Variants in MDGA1 observed in about 807,000 individuals in gnomAD.
MDGA1 encodes the protein MAM domain-containing glycosylphosphatidylinositol anchor protein 1.
Under a neutral mutation model 101.5 loss-of-function variants are expected in MDGA1, and 54 were observed. The ratio of observed to expected loss-of-function variants is 0.53; its 90% CI spans 0.43 to 0.67. MDGA1 has a LOEUF of 0.67. MDGA1 is among the 30% of genes least tolerant of loss of function. MDGA1 has a pLI of 0.00. For synonymous variants in MDGA1, 533 were observed against 558.3 expected, an observed-to-expected ratio of 0.95 and a Z score of 0.64; for missense variants, 1,083 against 1,323.8, an observed-to-expected ratio of 0.82 and a Z score of 2.82.
At chr6:37,637,547 T>C (rs1763957455) in intron 16 of MDGA1, 88 bp from the exon 17 acceptor site, 1 of 1,103,712 alleles carries the variant, frequency 9.1e-7, no homozygotes, top group South Asian at 1.4e-5. Flanking sequence ...GCACTGTTAC[T>C]CTGCCCACCT....
At chr6:37,678,572 C>A (rs1762028803) in intron 1 of MDGA1, among the ~76,000 whole-genome samples, 1 of 152,108 alleles carries the variant, frequency 6.6e-6, no homozygotes, top group African/African-American at 2.4e-5. Flanking sequence ...CGGCTCCCAG[C>A]CCCACTTCCC....
At chr6:37,684,724 C>T (rs1193301603) in intron 1 of MDGA1, among the ~76,000 whole-genome samples, 2 of 152,190 alleles carry the variant, frequency 1.3e-5, no homozygotes, top group African/African-American at 4.8e-5. Context: ...GCCATACCCT[C>T]GTGCCCCTCC....
At chr6:37,675,047 AC>A (rs1329080975) in intron 1 of MDGA1, among the ~76,000 whole-genome samples, 2 of 152,152 alleles carry the variant, frequency 1.3e-5, no homozygotes, top group African/African-American at 4.8e-5. Context: ...ACAGAGAGAG[AC>A]TACATCTCAA....
Position 37,679,951 on chromosome 6 carries a change from C to A in MDGA1, c.68-15845G>T, listed in dbSNP as rs558150506. On this transcript the variant is annotated intron_variant, in intron 1 of 16. Coordinates refer to ENST00000434837, the MANE Select transcript of MDGA1 (RefSeq NM_153487.4). ...TCCTTCAGGCCACACTGCCTCCCTA[C>A]GCTCCCACCTGAGCGAGAGATGGTT... Among the ~76,000 whole-genome samples the A allele has an allele frequency of 8.5e-5, 13 of 152,300 alleles. No homozygotes were observed. The South Asian group carries it at 2.7e-3, about 32-fold the overall frequency.
chr6:37,674,143 C>G (rs902962969), intron 1 of MDGA1, among the ~76,000 whole-genome samples: 1 of 152,214 alleles, frequency 6.6e-6, no homozygotes, highest in Non-Finnish European at 1.5e-5. Context: ...AAAGCCTGTT[C>G]CCCGACACAG....
intron 2 of MDGA1, 76 bp from the exon 3 acceptor site, chr6:37,658,495 A>G: frequency 7.1e-7 from 1 of 1,405,166 alleles, no homozygotes; most frequent in Non-Finnish European, 9.6e-7. Context: ...GTGCCCTGCA[A>G]CGGCACCCCC....
chr6:37,695,599 C>A (rs532894353), intron 1 of MDGA1, among the ~76,000 whole-genome samples: 1 of 152,190 alleles, frequency 6.6e-6, no homozygotes, highest in African/African-American at 2.4e-5. Flanking sequence ...TGGGTCAGCA[C>A]CCTCCAGGGT....
At position 37,632,299 on chromosome 6, in the gene MDGA1, T is replaced by C. The variant is rs1763835060; in HGVS notation, c.*5069A>G. 6.6e-6 allele frequency: 1 copy of C among 152,062 alleles called. No homozygotes were observed. The highest frequency in any genetic ancestry group is 2.4e-5 in the African/African-American group (1 of 41,288). 9.4% of individuals were successfully genotyped at this position (152,062 alleles called of 1,614,324 possible). ...TAAACAGGGGCTTCCACAAAGGCAG[T>C]GTTTGGTTGGTATTTGCTGAATGAA... is the stretch of plus-strand genomic sequence containing the variant. On this transcript the variant is annotated 3_prime_UTR_variant, in exon 17 of 17. Transcript: ENST00000434837.
chr6:37,688,971 C>T (rs1762254194), intron 1 of MDGA1, among the ~76,000 whole-genome samples: 1 of 152,252 alleles, frequency 6.6e-6, no homozygotes, highest in South Asian at 2.1e-4. Flanking sequence ...CGCAGAATCT[C>T]AGCCCAGCCC....
At position 37,646,380 on chromosome 6, in the gene MDGA1, T is replaced by TAG; in HGVS notation, c.2047-6_2047-5insCT. 6.7e-7 allele frequency: 1 copy of TAG among 1,494,026 alleles called. No individual in the cohort carries two copies. The highest frequency in any genetic ancestry group is 9.0e-7 in the Non-Finnish European group (1 of 1,115,492). The allele number at this position is 1,494,026 out of a possible 1,614,324, so 92.5% of individuals were successfully genotyped here. A position where few individuals can be genotyped will look rare whatever the true frequency, so the allele number is the denominator to read the frequency against. ...CACCGCATTGTGCTGGTTCAACTGT[T>TAG]AAGTACAGAGAGTTCCCAGATGCCT... On this transcript the variant is annotated splice_polypyrimidine_tract_variant and splice_region_variant and intron_variant, in intron 10 of 16. Coordinates refer to ENST00000434837, the MANE Select transcript of MDGA1 (RefSeq NM_153487.4).
Position 37,634,312 on chromosome 6 carries a change from C to T in MDGA1, c.*3056G>A, listed in dbSNP as rs1341426492. The stretch of plus-strand genomic sequence containing the variant: ...ACCCTGACCCAGAGGGCGAGGCTGC[C>T]ACTGGGGAGATGTGCTGGATCCAGC... On this transcript the variant is annotated 3_prime_UTR_variant, in exon 17 of 17. Transcript: ENST00000434837. The surrounding 1 kb of genome is among the most constrained non-coding windows in gnomAD (Gnocchi z 4.7). 1 of 152,832 alleles carries T rather than the reference C, an allele frequency of 6.5e-6. No individual in the cohort carries two copies. The highest frequency in any genetic ancestry group is 1.5e-5 in the Non-Finnish European group (1 of 68,150). 9.5% of individuals were successfully genotyped at this position (152,832 alleles called of 1,614,324 possible). A position where few individuals can be genotyped will look rare whatever the true frequency, so the allele number is the denominator to read the frequency against.
intron 1 of MDGA1, among the ~76,000 whole-genome samples, chr6:37,673,381 T>C (rs1293742123): frequency 2.0e-5 from 3 of 152,246 alleles, no homozygotes; most frequent in African/African-American, 7.2e-5. Flanking sequence ...AAATGAACAC[T>C]TAATAATTTA....
At chr6:37,687,274 G>A (rs1166722923) in intron 1 of MDGA1, among the ~76,000 whole-genome samples, 1 of 151,888 alleles carries the variant, frequency 6.6e-6, no homozygotes, top group East Asian at 1.9e-4. Context: ...TGCTGGTTTT[G>A]ATCAGGCATG....
intron 1 of MDGA1, among the ~76,000 whole-genome samples, chr6:37,672,139 T>C (rs969852462): frequency 6.8e-6 from 1 of 146,594 alleles, no homozygotes; most frequent in Admixed American, 6.8e-5. Flanking sequence ...AGACTCCATC[T>C]AAAAAAAAGA....
In MDGA1 at chr6:37,633,389, C is replaced by G. The variant is rs1272731283; in HGVS notation, c.*3979G>C. On this transcript the variant is annotated 3_prime_UTR_variant, in exon 17 of 17. Transcript: ENST00000434837. ...AAAGACCCTGGGAATACTCCCCAGCCCCTCAAGCTGCCCAGCGAGAAAAAA... is the reference window on the plus strand; with the variant it reads ...AAAGACCCTGGGAATACTCCCCAGCGCCTCAAGCTGCCCAGCGAGAAAAAA... 1 of 152,270 alleles carries G rather than the reference C, an allele frequency of 6.6e-6. No individual in the cohort carries two copies. The highest frequency in any genetic ancestry group is 1.5e-5 in the Non-Finnish European group (1 of 68,116). 9.4% of individuals were successfully genotyped at this position (152,270 alleles called of 1,614,324 possible). A position where few individuals can be genotyped will look rare whatever the true frequency, so the allele number is the denominator to read the frequency against.
In MDGA1 at chr6:37,664,323, A is replaced by G. The variant is rs1581608815; in HGVS notation, c.68-217T>C. ...AACTCAGGAAAGGGACAGTTCCCCA[A>G]CCCCTTGCAAGAGAGCTGTGCTTTT... On this transcript the variant is annotated intron_variant, in intron 1 of 16. Coordinates refer to ENST00000434837, the MANE Select transcript of MDGA1 (RefSeq NM_153487.4). The G allele has an allele frequency of 3.6e-5, 20 of 554,594 alleles. No individual in the cohort carries two copies. In the East Asian group the frequency reaches 5.8e-4, roughly 16 times the overall value. 34.4% of individuals were successfully genotyped at this position (554,594 alleles called of 1,614,324 possible).
chr6:37,675,701 C>T (rs1263731415), intron 1 of MDGA1, among the ~76,000 whole-genome samples: 2 of 152,158 alleles, frequency 1.3e-5, no homozygotes, highest in Non-Finnish European at 2.9e-5. Flanking sequence ...TCTGAGCCTT[C>T]CTGGCCCAGT....
chr6:37,640,547 C>T (rs1454194322), intron 14 of MDGA1, among the ~76,000 whole-genome samples: 3 of 152,004 alleles, frequency 2.0e-5, no homozygotes, highest in Admixed American at 6.6e-5. Context: ...CGCTATGTTG[C>T]CCAGGCTGGT....
chr6:37,666,476 A>G (rs988624498), intron 1 of MDGA1, among the ~76,000 whole-genome samples: 7 of 152,246 alleles, frequency 4.6e-5, no homozygotes, highest in Non-Finnish European at 8.8e-5. Flanking sequence ...AAGCCTGTAC[A>G]GAATGTACAA....
Sources: gnomAD v4.1 joint callset for allele counts (sites outside exome capture counted in the v4.1 genomes callset) on GRCh38, gnomAD v4.1.1 for gene constraint, Gnocchi (gnomAD v3.1) non-coding constraint, MANE v1.5 for transcripts, NCBI Gene and HGNC (gene_info 2026-07-23, HGNC 2026-07-21) for gene names.